The following ABCA1 variants were observed in gnomAD, a reference collection of about 807,000 sequenced individuals.
ABCA1 encodes ATP binding cassette subfamily A member 1.
ABCA1 carries 133 observed loss-of-function variants against 262.5 expected under a neutral mutation model. That is an observed-to-expected ratio of 0.51 (90% CI 0.44 to 0.59). The LOEUF (loss-of-function observed/expected upper bound fraction) is 0.59. ABCA1 is among the 20% of genes least tolerant of loss of function. ABCA1 has a pLI of 0.00. For missense variants in ABCA1, 2,452 were observed against 2,777.5 expected, an observed-to-expected ratio of 0.88 and a Z score of 2.63; for synonymous variants, 1,022 against 1,043.5, an observed-to-expected ratio of 0.98 and a Z score of 0.40.
intron 2 of ABCA1, among the ~76,000 whole-genome samples, chr9:104,894,019 G>C (rs770341544): frequency 2.6e-5 from 4 of 152,164 alleles, no homozygotes; most frequent in Non-Finnish European, 5.9e-5. Flanking sequence ...TACCGTTTTA[G>C]AAGTGAAGAA....
At chr9:104,802,467 A>C (rs1323095223) in intron 33 of ABCA1, among the ~76,000 whole-genome samples, 7 of 152,268 alleles carry the variant, frequency 4.6e-5, no homozygotes, top group Middle Eastern at 3.4e-3. Context: ...TCGTGTGTGA[A>C]TGTGGGTCTG....
At chr9:104,907,831 G>A (rs1482878686) in intron 1 of ABCA1, among the ~76,000 whole-genome samples, 4 of 152,204 alleles carry the variant, frequency 2.6e-5, no homozygotes, top group East Asian at 1.9e-4. Context: ...AGCCCGAGGC[G>A]TACGCTCTCT....
intron 11 of ABCA1, among the ~76,000 whole-genome samples, chr9:104,834,432 C>A (rs139528462): frequency 6.7e-6 from 1 of 149,368 alleles, no homozygotes; most frequent in African/African-American, 2.5e-5. Flanking sequence ...ATAACAGACA[C>A]AAAATTGTAC....
chr9:104,916,881 A>G (rs1396555031), intron 1 of ABCA1, among the ~76,000 whole-genome samples: 2 of 152,158 alleles, frequency 1.3e-5, no homozygotes, highest in African/African-American at 4.8e-5. Context: ...GCTGAAGTGG[A>G]TGACCTTCTG....
chr9:104,883,017 T>C (rs1467516419), intron 5 of ABCA1, 22 bp downstream of exon 5: 2 of 1,578,796 alleles, frequency 1.3e-6, no homozygotes, highest in South Asian at 1.1e-5. Context: ...TATAAACGGA[T>C]GCAGAGAAGG....
intron 37 of ABCA1, among the ~76,000 whole-genome samples, chr9:104,796,913 A>G (rs1457088232): frequency 6.6e-6 from 1 of 152,226 alleles, no homozygotes. Flanking sequence ...CTGACAGTGT[A>G]TCAAGCAGTA....
chr9:104,869,683 A>T (rs1191559942), intron 5 of ABCA1, among the ~76,000 whole-genome samples: 1 of 152,150 alleles, frequency 6.6e-6, no homozygotes, highest in African/African-American at 2.4e-5. Context: ...AGAGTAGGCC[A>T]GGGGTGTGTG....
Position 104,818,829 on chromosome 9 carries a change from T to C in ABCA1, c.3296A>G (p.Asp1099Gly). 10 of 1,613,976 alleles carry C rather than the reference T, an allele frequency of 6.2e-6. No homozygotes were observed. Among genetic ancestry groups the C allele is most frequent in the Non-Finnish European group, 8.5e-6 (10 of 1,180,028 alleles). Reference sequence around the variant, plus strand: ...CCCATGGGAGATGATGGCAATCCTGTCCCCCAGGACGTCCGCTTCATCCAT... The same window carrying C: ...CCCATGGGAGATGATGGCAATCCTGCCCCCCAGGACGTCCGCTTCATCCAT... ...HHMDEADVLG[D>G]RIAIISHGKL... The change falls in exon 23 of 50, where the codon GAC (aspartate) becomes GGC (glycine). Residue 1099 changes from aspartate (D) to glycine (G), a missense_variant. Physicochemically the swap from Asp to Gly is moderately conservative, Grantham distance 94. Coordinates refer to ENST00000374736, the MANE Select transcript of ABCA1 (RefSeq NM_005502.4).
intron 31 of ABCA1, among the ~76,000 whole-genome samples, chr9:104,805,876 G>A (rs896347604): frequency 6.6e-6 from 1 of 152,184 alleles, no homozygotes; most frequent in African/African-American, 2.4e-5. Flanking sequence ...AGGCCGAGGC[G>A]GGTGGATCAC....
At chr9:104,837,239 C>T (rs1833901043) in intron 10 of ABCA1, 143 bp from the exon 11 acceptor site, 1 of 1,049,676 alleles carries the variant, frequency 9.5e-7, no homozygotes, top group African/African-American at 1.6e-5. Context: ...CTGCTTGTAA[C>T]TATGATTCTA....
chr9:104,897,546 T>C (rs1039480941), intron 2 of ABCA1, among the ~76,000 whole-genome samples: 3 of 152,224 alleles, frequency 2.0e-5, no homozygotes. Context: ...CTATCAGGAA[T>C]GTCAAAGGCA....
At chr9:104,852,459 G>C (rs769742833) in intron 7 of ABCA1, among the ~76,000 whole-genome samples, 1 of 152,100 alleles carries the variant, frequency 6.6e-6, no homozygotes, top group Admixed American at 6.5e-5. Flanking sequence ...ATTTTTTGCT[G>C]TTTCTAAACA....
In ABCA1 at chr9:104,796,471, A is replaced by G. The variant is rs56337128; in HGVS notation, c.5122-47T>C. On this transcript the variant is annotated intron_variant, in intron 37 of 49. Coordinates refer to ENST00000374736, the MANE Select transcript of ABCA1 (RefSeq NM_005502.4). ...TCCAGTTCACCCCTAAATCAAATAT[A>G]CAATGCATCACACAAGTTTTCACCA... 7.1e-3 allele frequency: 9,904 copies of G among 1,402,204 alleles called. 54 individuals are homozygous for G. The highest frequency in any genetic ancestry group is 8.7e-3 in the Non-Finnish European group (8,634 of 996,282). 86.9% of individuals were successfully genotyped at this position (1,402,204 alleles called of 1,614,324 possible).
chr9:104,803,756 C>T (rs1830541949), intron 32 of ABCA1, among the ~76,000 whole-genome samples: 1 of 152,026 alleles, frequency 6.6e-6, no homozygotes, highest in Non-Finnish European at 1.5e-5. Context: ...TACAGGCACG[C>T]ACCACCACGC....
chr9:104,787,571 G>A (rs1409742897), intron 46 of ABCA1, among the ~76,000 whole-genome samples: 1 of 152,180 alleles, frequency 6.6e-6, no homozygotes, highest in Non-Finnish European at 1.5e-5. Context: ...TGACCTAGTT[G>A]CTACCTTGGG....
intron 11 of ABCA1, 49 bp downstream of exon 11, chr9:104,836,931 C>T (rs2119022736): frequency 6.9e-7 from 1 of 1,443,246 alleles, no homozygotes; most frequent in Admixed American, 1.7e-5. Context: ...CAGAAACTCA[C>T]CTCTCCAGTA....
chr9:104,828,305 G>C (rs771376966), intron 15 of ABCA1, among the ~76,000 whole-genome samples: 1 of 152,166 alleles, frequency 6.6e-6, no homozygotes, highest in Non-Finnish European at 1.5e-5. Flanking sequence ...GGGAGGCCTT[G>C]GGGGAGCACA....
At chr9:104,869,325 G>A (rs1305510270) in intron 5 of ABCA1, among the ~76,000 whole-genome samples, 1 of 152,048 alleles carries the variant, frequency 6.6e-6, no homozygotes, top group African/African-American at 2.4e-5. Flanking sequence ...TGGGGGTGGG[G>A]TGGGGCCTCC....
intron 1 of ABCA1, among the ~76,000 whole-genome samples, chr9:104,923,395 T>C (rs1842254204): frequency 6.6e-6 from 1 of 152,186 alleles, no homozygotes; most frequent in Non-Finnish European, 1.5e-5. Flanking sequence ...AGTAAAAAAT[T>C]GAGTTGAGTA....
Sources: allele counts gnomAD v4.1 joint callset (sites outside exome capture counted in the v4.1 genomes callset), GRCh38; gene constraint gnomAD v4.1.1; transcripts MANE v1.5; gene names NCBI Gene and HGNC (gene_info 2026-07-23, HGNC 2026-07-21).